LINGO1: variants seen among roughly 807,000 people sequenced by gnomAD.
LINGO1 encodes leucine-rich repeat and immunoglobulin-like domain-containing nogo receptor-interacting protein 1.
Under a neutral mutation model 37.3 loss-of-function variants are expected in LINGO1, and 11 were observed. The observed-to-expected ratio is 0.29, with a 90% confidence interval of 0.19 to 0.49. The LOEUF is 0.49. LINGO1 is among the 20% of genes least tolerant of loss of function. The pLI is 0.99. For synonymous variants in LINGO1, 387 were observed against 403.0 expected, an observed-to-expected ratio of 0.96 and a Z score of 0.48; for missense variants, 585 against 878.2, an observed-to-expected ratio of 0.67 and a Z score of 4.22.
chr15:77,643,288 G>A (rs893487506), intron 3 of LINGO1, among the ~76,000 whole-genome samples: 2 of 152,218 alleles, frequency 1.3e-5, no homozygotes, highest in Non-Finnish European at 1.5e-5. Flanking sequence ...CTAGGCAGGA[G>A]AGCAGGGCTG....
chr15:77,804,370 G>A (rs984886293), intron 1 of LINGO1, among the ~76,000 whole-genome samples: 1 of 152,134 alleles, frequency 6.6e-6, no homozygotes. Flanking sequence ...ATGTGGCCCC[G>A]GGTCCCAAGC....
intron 3 of LINGO1, among the ~76,000 whole-genome samples, chr15:77,664,164 T>TGCGCGCGCAC (rs1161696784): frequency 9.3e-6 from 1 of 107,898 alleles, no homozygotes; most frequent in Non-Finnish European, 2.0e-5. Context: ...TGTGTGTGTG[T>TGCGCGCGCAC]GTGTGTGCGC....
In LINGO1 at chr15:77,737,378, C is replaced by T. The variant is rs114230836; in HGVS notation, c.-256-2325G>A. 3.5e-3 allele frequency among the ~76,000 whole-genome samples: 522 copies of T among 150,990 alleles called. 4 individuals carry two copies. The highest frequency in any genetic ancestry group is 0.012 in the African/African-American group (481 of 41,008). ...CAAAGCCACAGAGCAGAGCAATTTG[C>T]CTCAATATTGTAAAAGAAAGAGAAG... On this transcript the variant is annotated intron_variant, in intron 1 of 3. Coordinates refer to the LINGO1 transcript ENST00000561686.
chr15:77,798,884 G>T (rs1397710934), intron 1 of LINGO1, among the ~76,000 whole-genome samples: 1 of 152,234 alleles, frequency 6.6e-6, no homozygotes, highest in Non-Finnish European at 1.5e-5. Flanking sequence ...AGTGGGTTCA[G>T]CACTGAGTGG....
At chr15:77,657,778 G>A (rs2141157976) in intron 3 of LINGO1, among the ~76,000 whole-genome samples, 1 of 152,300 alleles carries the variant, frequency 6.6e-6, no homozygotes, top group African/African-American at 2.4e-5. Context: ...GGGAACAGAT[G>A]GACTTGGAGG....
chr15:77,643,636 T>G (rs559368027), intron 3 of LINGO1, among the ~76,000 whole-genome samples: 1 of 152,256 alleles, frequency 6.6e-6, no homozygotes, highest in East Asian at 1.9e-4. Flanking sequence ...AGAAACTCCC[T>G]CATCACAGGG....
At chr15:77,642,012 C>G in intron 3 of LINGO1, 1 of 456,596 alleles carries the variant, frequency 2.2e-6, no homozygotes, top group Non-Finnish European at 4.4e-6. Flanking sequence ...TGGGGATACT[C>G]ATGCCTATCT....
rs2074303720 is a variant in LINGO1, at chr15:77,632,809, A to G, written c.-494T>C. Among the ~76,000 whole-genome samples the G allele has an allele frequency of 6.9e-6, 1 of 145,542 alleles. No individual in the cohort carries two copies. The highest frequency in any genetic ancestry group is 1.5e-5 in the Non-Finnish European group (1 of 65,726). ...CCCTCCGGGGCCGGGACCAGGACCC[A>G]CCGCCGCCGCCGCCGCCTGCGCTGT... On this transcript the variant is annotated 5_prime_UTR_variant, in exon 1 of 2. Coordinates refer to ENST00000355300, the MANE Select transcript of LINGO1 (RefSeq NM_032808.7). This position sits in a 1 kb window ranked among gnomAD's most constrained non-coding sequence, Gnocchi z 6.0.
At chr15:77,795,094 G>A (rs113149060) in intron 2 of LINGO1, among the ~76,000 whole-genome samples, 219 of 152,230 alleles carry the variant, frequency 1.4e-3, no homozygotes, top group Non-Finnish European at 2.3e-3. Context: ...CCACCCCACC[G>A]TTCCCTCTGT....
intron 3 of LINGO1, among the ~76,000 whole-genome samples, chr15:77,657,826 G>A (rs955002613): frequency 2.0e-5 from 3 of 152,190 alleles, no homozygotes; most frequent in South Asian, 2.1e-4. Context: ...GAGGAGGCCC[G>A]GAGAAACTGG....
At chr15:77,805,500 G>A (rs1346700599) in intron 1 of LINGO1, among the ~76,000 whole-genome samples, 9 of 152,194 alleles carry the variant, frequency 5.9e-5, no homozygotes, top group Admixed American at 3.9e-4. Flanking sequence ...TGGGCCTGCC[G>A]TGGAAGGACA....
At chr15:77,640,845 C>T (rs1164567412) in intron 3 of LINGO1, among the ~76,000 whole-genome samples, 2 of 152,082 alleles carry the variant, frequency 1.3e-5, no homozygotes, top group African/African-American at 2.4e-5. Context: ...TTCATTCATT[C>T]ATTCATTCAT....
At chr15:77,819,281 G>C (rs1211274073) in intron 1 of LINGO1, 1 of 150,014 alleles carries the variant, frequency 6.7e-6, no homozygotes, top group Non-Finnish European at 1.5e-5. Context: ...CGTCCCGGGC[G>C]CGCCGTCCGC....
At chr15:77,617,297 T>G (rs547766932) in intron 1 of LINGO1, among the ~76,000 whole-genome samples, 19 of 152,060 alleles carry the variant, frequency 1.2e-4, no homozygotes, top group African/African-American at 4.1e-4. Context: ...TCCACCCCCA[T>G]GAGAAACTGG....
intron 1 of LINGO1, among the ~76,000 whole-genome samples, chr15:77,799,289 G>A (rs965148676): frequency 6.6e-6 from 1 of 152,082 alleles, no homozygotes; most frequent in Non-Finnish European, 1.5e-5. Context: ...GAGGGCGGGC[G>A]CCAGGCCAGA....
intron 1 of LINGO1, among the ~76,000 whole-genome samples, chr15:77,739,190 G>A (rs2076235304): frequency 6.6e-6 from 1 of 152,252 alleles, no homozygotes; most frequent in African/African-American, 2.4e-5. Context: ...GCCGCTGCCA[G>A]GCAGCCCAGT....
intron 1 of LINGO1, among the ~76,000 whole-genome samples, chr15:77,761,788 C>T (rs1020407424): frequency 6.6e-6 from 1 of 152,220 alleles, no homozygotes; most frequent in African/African-American, 2.4e-5. Context: ...AGGCTCTCCT[C>T]TCCAGGGGAA....
intron 1 of LINGO1, among the ~76,000 whole-genome samples, chr15:77,777,535 ACTCT>A (rs2076674028): frequency 6.6e-6 from 1 of 150,992 alleles, no homozygotes; most frequent in Non-Finnish European, 1.5e-5. Flanking sequence ...CACGCCATTC[ACTCT>A]CCCTCCAGGC....
At chr15:77,672,320 G>GC (rs999139069) in intron 3 of LINGO1, among the ~76,000 whole-genome samples, 2 of 151,340 alleles carry the variant, frequency 1.3e-5, no homozygotes, top group Admixed American at 6.6e-5. Context: ...CATCACACCA[G>GC]CCCCCACTCA....
Sources: gnomAD v4.1 joint callset for allele counts (sites outside exome capture counted in the v4.1 genomes callset) on GRCh38, gnomAD v4.1.1 for gene constraint, Gnocchi (gnomAD v3.1) non-coding constraint, MANE v1.5 for transcripts, NCBI Gene and HGNC (gene_info 2026-07-23, HGNC 2026-07-21) for gene names.